The following SERPINB7 variants were observed in gnomAD, a reference collection of about 807,000 sequenced individuals.
The protein encoded by SERPINB7 is serpin family B member 7.
A neutral mutation model predicts 37.4 loss-of-function variants in SERPINB7; 31 were observed. The ratio of observed to expected loss-of-function variants is 0.83; its 90% CI spans 0.62 to 1.12. The LOEUF is 1.12. Ranked by LOEUF, SERPINB7 falls within the 50% of genes most tolerant of loss-of-function variation. The probability of loss-of-function intolerance (pLI) is 0.00; values close to 1 mark genes in which losing one functional copy is unlikely to be tolerated. For synonymous variants in SERPINB7, 163 were observed against 166.1 expected (o/e 0.98, Z 0.14); for missense variants, 521 against 455.3 (o/e 1.14, Z -1.31).
chr18:63,801,035 A>C (rs1235901622), intron 7 of SERPINB7, 23 bp downstream of exon 7: 2 of 1,608,286 alleles, frequency 1.2e-6, no homozygotes, highest in Admixed American at 1.7e-5. Context: ...TGTCATTTTC[A>C]CTATTGGGAA....
Position 63,796,375 on chromosome 18 carries a change from A to C in SERPINB7, c.446A>C (p.Glu149Ala). ...AATATTAATAAGTGGGTTGAAAATG[A>C]AACACATGGTGAGTATTGAAATACC... ...RRNINKWVEN[E>A]THGKIKNVIG... The change falls in exon 5 of 8, where the codon GAA (glutamate) becomes GCA (alanine). Residue 149 changes from glutamate to alanine, a missense_variant. Glu to Ala is a moderately radical substitution (Grantham distance 107). Coordinates refer to ENST00000398019, the MANE Select transcript of SERPINB7 (RefSeq NM_003784.4). The C allele has an allele frequency of 6.5e-7, 1 of 1,539,578 alleles. No homozygotes were observed. The highest frequency in any genetic ancestry group is 9.0e-7 in the Non-Finnish European group (1 of 1,112,552).
At chr18:63,778,887 T>A (rs2049275798) in intron 1 of SERPINB7, among the ~76,000 whole-genome samples, 1 of 152,184 alleles carries the variant, frequency 6.6e-6, no homozygotes, top group Admixed American at 6.5e-5. Flanking sequence ...CTAATTTGTG[T>A]TAACTTTAAA....
At chr18:63,801,115 C>T (rs1377523440) in intron 7 of SERPINB7, 103 bp downstream of exon 7, 1 of 1,118,628 alleles carries the variant, frequency 8.9e-7, no homozygotes, top group Non-Finnish European at 1.3e-6. Context: ...TATTGAGATA[C>T]TAGAGACTTA....
intron 4 of SERPINB7, among the ~76,000 whole-genome samples, chr18:63,795,862 T>C (rs573941491): frequency 6.6e-6 from 1 of 152,252 alleles, no homozygotes; most frequent in Non-Finnish European, 1.5e-5. Context: ...GTCGGCAAGT[T>C]TCAAGAGCTT....
chr18:63,760,975 G>T (rs2049150249), intron 1 of SERPINB7, among the ~76,000 whole-genome samples: 1 of 152,226 alleles, frequency 6.6e-6, no homozygotes, highest in Non-Finnish European at 1.5e-5. Context: ...TCCCTACTGG[G>T]CTACTGCCTA....
intron 2 of SERPINB7, among the ~76,000 whole-genome samples, chr18:63,786,389 GTA>G (rs1568209664): frequency 6.6e-6 from 1 of 150,498 alleles, no homozygotes; most frequent in African/African-American, 2.4e-5. Context: ...AAATATATAC[GTA>G]TACACACACG....
chr18:63,784,580 C>A (rs1016907626), intron 2 of SERPINB7, among the ~76,000 whole-genome samples: 1 of 152,022 alleles, frequency 6.6e-6, no homozygotes, highest in Non-Finnish European at 1.5e-5. Context: ...CATAAAAATG[C>A]ATAATGTTTC....
At chr18:63,771,649 T>G (rs1212053492), upstream of SERPINB7, among the ~76,000 whole-genome samples, 1 of 152,086 alleles carries the variant, frequency 6.6e-6, no homozygotes, top group Non-Finnish European at 1.5e-5. Flanking sequence ...GGTTGGAAAT[T>G]TATTACTCCA....
At chr18:63,789,076 A>G (rs965607630) in intron 2 of SERPINB7, among the ~76,000 whole-genome samples, 1 of 152,260 alleles carries the variant, frequency 6.6e-6, no homozygotes. Context: ...TTATATTTAT[A>G]TAAATGTACA....
chr18:63,791,834 T>C (rs2049431883), intron 2 of SERPINB7, among the ~76,000 whole-genome samples: 1 of 152,072 alleles, frequency 6.6e-6, no homozygotes, highest in South Asian at 2.1e-4. Context: ...ATGGTCTCGA[T>C]CTCCTGACCT....
intron 2 of SERPINB7, among the ~76,000 whole-genome samples, chr18:63,784,298 T>G (rs1195303745): frequency 6.6e-6 from 1 of 152,172 alleles, no homozygotes; most frequent in Non-Finnish European, 1.5e-5. Context: ...GGGGCTGTCC[T>G]ATGCATCATT....
chr18:63,796,275 G>A lies in SERPINB7; in HGVS notation c.346G>A (p.Glu116Lys). ...KVYGFHKDYI[E>K]CAEKLYDAKV... ...ATATTCTTCTTTATAGGACTACATT[G>A]AGTGTGCCGAAAAATTATACGATGC... The change falls in exon 5 of 8, where the codon GAG becomes AAG. Residue 116 changes from glutamate (E) to lysine (K), a missense_variant. By Grantham distance (56) the Glu-to-Lys change is moderately conservative (BLOSUM62 1). Coordinates refer to ENST00000398019, the MANE Select transcript of SERPINB7 (RefSeq NM_003784.4). The A allele has an allele frequency of 6.3e-7, 1 of 1,598,988 alleles. No homozygotes were observed. Among genetic ancestry groups the A allele is most frequent in the Non-Finnish European group, 8.6e-7 (1 of 1,166,474 alleles).
chr18:63,789,850 G>C (rs2049409034), intron 2 of SERPINB7, among the ~76,000 whole-genome samples: 1 of 152,118 alleles, frequency 6.6e-6, no homozygotes, highest in African/African-American at 2.4e-5. Flanking sequence ...GATATGACAG[G>C]TCCTTCAGTA....
At chr18:63,773,201 T>C (rs1191412906), upstream of SERPINB7, among the ~76,000 whole-genome samples, 1 of 152,060 alleles carries the variant, frequency 6.6e-6, no homozygotes, top group Non-Finnish European at 1.5e-5. Context: ...CACTACAAGA[T>C]TTTCTTCAAA....
intron 2 of SERPINB7, among the ~76,000 whole-genome samples, chr18:63,791,605 G>A (rs886091204): frequency 6.6e-6 from 1 of 151,876 alleles, no homozygotes; most frequent in African/African-American, 2.4e-5. Context: ...TAGTCCACAG[G>A]TATTTTTATT....
chr18:63,796,541 A>G (rs1358419327), intron 5 of SERPINB7, among the ~76,000 whole-genome samples, 158 bp downstream of exon 5: 4 of 152,208 alleles, frequency 2.6e-5, no homozygotes, highest in African/African-American at 4.8e-5. Flanking sequence ...TTTGTCTGCA[A>G]TGTGGTTTGG....
intron 1 of SERPINB7, among the ~76,000 whole-genome samples, chr18:63,778,874 G>A (rs955389258): frequency 2.0e-5 from 3 of 152,206 alleles, no homozygotes; most frequent in East Asian, 1.9e-4. Context: ...CCATGAGTAC[G>A]TGCTAATTTG....
At chr18:63,769,748 C>A (rs1245342841) in intron 1 of SERPINB7, among the ~76,000 whole-genome samples, 1 of 152,064 alleles carries the variant, frequency 6.6e-6, no homozygotes, top group Non-Finnish European at 1.5e-5. Context: ...GTCAACAAAG[C>A]TTTTGCTCTA....
At chr18:63,771,131 A>G (rs1246790674), upstream of SERPINB7, among the ~76,000 whole-genome samples, 2 of 152,070 alleles carry the variant, frequency 1.3e-5, no homozygotes, top group African/African-American at 4.8e-5. Context: ...GACAAAAGGG[A>G]AAGGGAGGCA....
Sources: gnomAD v4.1 joint callset for allele counts (sites outside exome capture counted in the v4.1 genomes callset) on GRCh38, gnomAD v4.1.1 for gene constraint, MANE v1.5 for transcripts, NCBI Gene and HGNC (gene_info 2026-07-23, HGNC 2026-07-21) for gene names.